The following PITPNM3 variants were observed in gnomAD, a reference collection of about 807,000 sequenced individuals.
PITPNM3 encodes PITPNM family member 3, also known as membrane-associated phosphatidylinositol transfer protein 3.
Under a neutral mutation model 102.0 loss-of-function variants are expected in PITPNM3, and 26 were observed. The ratio of observed to expected loss-of-function variants is 0.25; its 90% CI spans 0.19 to 0.35. PITPNM3 has a LOEUF of 0.35. Among genes scored for constraint, PITPNM3 ranks in the 10% least tolerant of loss-of-function variants. The pLI, the probability that PITPNM3 is intolerant of heterozygous loss-of-function variation, is 1.00. For missense variants in PITPNM3, 1,083 were observed against 1,346.1 expected (o/e 0.80, Z 3.06); for synonymous variants, 578 against 558.6 (o/e 1.03, Z -0.49).
chr17:6,498,688 G>T (rs1906989786), intron 4 of PITPNM3, among the ~76,000 whole-genome samples: 1 of 152,180 alleles, frequency 6.6e-6, no homozygotes, highest in African/African-American at 2.4e-5. Flanking sequence ...GAGGTTGAAT[G>T]ACACTAGCAG....
intron 1 of PITPNM3, among the ~76,000 whole-genome samples, chr17:6,546,204 A>G (rs1480812284): frequency 6.6e-6 from 1 of 152,188 alleles, no homozygotes; most frequent in Non-Finnish European, 1.5e-5. Context: ...TGTCCTAACT[A>G]TCTCCCAAAC....
chr17:6,477,331 C>A lies in PITPNM3; in HGVS notation c.901-118G>T. 32 of 1,077,156 alleles carry A rather than the reference C, an allele frequency of 3.0e-5. 2 individuals carry two copies. In the South Asian group the frequency reaches 4.0e-4, roughly 13 times the overall value. 66.7% of individuals were successfully genotyped at this position (1,077,156 alleles called of 1,614,324 possible). A position where few individuals can be genotyped will look rare whatever the true frequency, so the allele number is the denominator to read the frequency against. On this transcript the variant is annotated intron_variant, in intron 8 of 19. Coordinates refer to ENST00000262483, the MANE Select transcript of PITPNM3 (RefSeq NM_031220.4). ...CTTCATCCTAAGATGTGAGGGGCTA[C>A]CCTTCTTCCAAAAGACACAGGAAGC...
At chr17:6,482,870 C>T (rs1018856711) in intron 6 of PITPNM3, among the ~76,000 whole-genome samples, 2 of 151,824 alleles carry the variant, frequency 1.3e-5, no homozygotes, top group African/African-American at 4.8e-5. Context: ...TGGCTGCAAT[C>T]GTGTGGCCGA....
At chr17:6,553,555 G>A (rs1250021987) in intron 1 of PITPNM3, among the ~76,000 whole-genome samples, 1 of 152,202 alleles carries the variant, frequency 6.6e-6, no homozygotes, top group Non-Finnish European at 1.5e-5. Flanking sequence ...GACCACACGT[G>A]ATGACCTAAA....
rs191647825 is a variant in PITPNM3 at position 6,488,080 on chromosome 17, C to T, written c.275-3788G>A. Among the ~76,000 whole-genome samples, 167 of 152,142 alleles carry T rather than the reference C, an allele frequency of 1.1e-3. 1 individual carries two copies. Among genetic ancestry groups the T allele is most frequent in the Non-Finnish European group, 1.2e-3 (83 of 67,980 alleles). On this transcript the variant is annotated intron_variant, in intron 4 of 19. Coordinates refer to ENST00000262483, the MANE Select transcript of PITPNM3 (RefSeq NM_031220.4). ...GACTAACAGGACCAGAGCTTCCCCA[C>T]AGAAAGGCACACCTCCCGTCTTCAT...
At chr17:6,474,126 T>G (rs1340272067) in intron 10 of PITPNM3, among the ~76,000 whole-genome samples, 2 of 151,684 alleles carry the variant, frequency 1.3e-5, no homozygotes, top group African/African-American at 4.9e-5. Flanking sequence ...AGGCAAGAGG[T>G]TGAATATTCT....
intron 3 of PITPNM3, chr17:6,521,501 CA>C (rs1161500129): frequency 6.6e-6 from 1 of 151,822 alleles, no homozygotes; most frequent in African/African-American, 2.4e-5. Context: ...ACAAGACAAA[CA>C]ATTGCAAAAA....
chr17:6,532,978 T>A (rs182566924), intron 2 of PITPNM3, among the ~76,000 whole-genome samples: 1 of 152,076 alleles, frequency 6.6e-6, no homozygotes, highest in Non-Finnish European at 1.5e-5. Context: ...ATTATTATTA[T>A]TGAGACGGCG....
chr17:6,535,124 A>C (rs969891684), intron 2 of PITPNM3, among the ~76,000 whole-genome samples: 1 of 152,096 alleles, frequency 6.6e-6, no homozygotes, highest in Non-Finnish European at 1.5e-5. Flanking sequence ...TGGCCCCACC[A>C]CAACTAGAGT....
intron 14 of PITPNM3, among the ~76,000 whole-genome samples, chr17:6,466,413 A>T (rs1246011923): frequency 6.6e-6 from 1 of 152,208 alleles, no homozygotes; most frequent in Non-Finnish European, 1.5e-5. Flanking sequence ...ACACTCAGCC[A>T]AGTAGGGAAC....
chr17:6,461,290 C>A, intron 18 of PITPNM3, 83 bp downstream of exon 18: 3 of 1,515,210 alleles, frequency 2.0e-6, no homozygotes, highest in Non-Finnish European at 2.7e-6. Context: ...AAGGCCCCAC[C>A]CGGGAGGAGG....
intron 4 of PITPNM3, among the ~76,000 whole-genome samples, chr17:6,497,187 C>T (rs1266387781): frequency 6.6e-6 from 1 of 152,272 alleles, no homozygotes; most frequent in South Asian, 2.1e-4. Flanking sequence ...AGAGGCCAGC[C>T]GTGGGCAAGG....
At chr17:6,455,856 G>A (rs373839467) in intron 19 of PITPNM3, among the ~76,000 whole-genome samples, 86 of 150,910 alleles carry the variant, frequency 5.7e-4, no homozygotes, top group Middle Eastern at 3.4e-3. Context: ...ATCATTTCCC[G>A]GGAACACTCT....
At chr17:6,471,578 C>G (rs1423751303) in intron 11 of PITPNM3, among the ~76,000 whole-genome samples, 1 of 152,244 alleles carries the variant, frequency 6.6e-6, no homozygotes, top group African/African-American at 2.4e-5. Context: ...CCGCATTTAC[C>G]TCCTTGCAGC....
In PITPNM3 at chr17:6,536,085, GA is replaced by G. The variant is rs535769421; in HGVS notation, c.118+1901del. Among the ~76,000 whole-genome samples, 277 of 133,590 alleles carry G rather than the reference GA, an allele frequency of 2.1e-3. 1 individual carries two copies. The highest frequency in any genetic ancestry group is 4.9e-3 in the African/African-American group (177 of 36,314). 87.6% of individuals were successfully genotyped at this position (133,590 alleles called of 152,430 possible). A position where few individuals can be genotyped will look rare whatever the true frequency, so the allele number is the denominator to read the frequency against. The stretch of plus-strand genomic sequence containing the variant: ...TCTCAAAAAAAAAAGGAAAAAAAAA[GA>G]AAAAAAAAAAAGGAGATGATGAGAA... On this transcript the variant is annotated intron_variant, in intron 2 of 19. Transcript: ENST00000262483.
intron 17 of PITPNM3, among the ~76,000 whole-genome samples, 198 bp downstream of exon 17, chr17:6,463,534 T>G (rs915021890): frequency 1.2e-4 from 18 of 144,792 alleles, no homozygotes; most frequent in Admixed American, 4.2e-4. Context: ...ACAGACAAGC[T>G]GAGGTCTAGA....
At chr17:6,466,636 T>C (rs1233300521) in intron 14 of PITPNM3, among the ~76,000 whole-genome samples, 1 of 152,128 alleles carries the variant, frequency 6.6e-6, no homozygotes, top group East Asian at 1.9e-4. Flanking sequence ...TCCTCATACA[T>C]TGCAGTGGGA....
chr17:6,545,608 C>T (rs961415094), intron 1 of PITPNM3, among the ~76,000 whole-genome samples: 7 of 152,252 alleles, frequency 4.6e-5, no homozygotes, highest in Admixed American at 1.3e-4. Flanking sequence ...CTTCACACCA[C>T]GCTCCTCTTC....
chr17:6,521,652 C>A (rs559894502), intron 3 of PITPNM3, among the ~76,000 whole-genome samples: 1 of 151,048 alleles, frequency 6.6e-6, no homozygotes, highest in East Asian at 1.9e-4. Flanking sequence ...CAATATGTTG[C>A]CAAAAAAGAT....
Sources: allele counts gnomAD v4.1 joint callset (sites outside exome capture counted in the v4.1 genomes callset), GRCh38; gene constraint gnomAD v4.1.1; transcripts MANE v1.5; gene names NCBI Gene and HGNC (gene_info 2026-07-23, HGNC 2026-07-21).